Variants in TEX2 observed in about 807,000 individuals in gnomAD.
TEX2 encodes testis expressed 2, also known as testis-expressed protein 2.
In TEX2, 53 loss-of-function variants were observed where a neutral mutation model predicts 106.9. The ratio of observed to expected loss-of-function variants is 0.50; its 90% confidence interval spans 0.40 to 0.62. The LOEUF (loss-of-function observed/expected upper bound fraction) is 0.62. TEX2 is among the 20% of genes least tolerant of loss of function. The pLI, the probability that TEX2 is intolerant of heterozygous loss-of-function variation, is 0.00. For synonymous variants in TEX2, 523 were observed against 534.8 expected (o/e 0.98, Z 0.30); for missense variants, 1,207 against 1,379.0 (o/e 0.88, Z 1.98).
At chr17:64,222,315 T>C (rs1555633379) in intron 1 of TEX2, among the ~76,000 whole-genome samples, 2 of 151,844 alleles carry the variant, frequency 1.3e-5, no homozygotes, top group African/African-American at 4.8e-5. Context: ...GGTCAAGAGA[T>C]TGAGACCATC....
intron 1 of TEX2, among the ~76,000 whole-genome samples, chr17:64,225,569 T>A (rs372242397): frequency 7.2e-5 from 11 of 152,128 alleles, no homozygotes; most frequent in African/African-American, 2.7e-4. Flanking sequence ...TCTTGAGAAA[T>A]CTGAAAACCA....
intron 6 of TEX2, among the ~76,000 whole-genome samples, chr17:64,172,430 T>G (rs2031449237): frequency 6.6e-6 from 1 of 151,916 alleles, no homozygotes. Flanking sequence ...AGATCTACAC[T>G]CTATCCCCAG....
intron 7 of TEX2, among the ~76,000 whole-genome samples, chr17:64,170,090 A>T (rs1011722610): frequency 1.3e-5 from 2 of 152,152 alleles, no homozygotes; most frequent in Non-Finnish European, 2.9e-5. Context: ...TCCTTACATC[A>T]TCATCATCAT....
intron 5 of TEX2, among the ~76,000 whole-genome samples, chr17:64,179,738 G>T (rs529266663): frequency 1.3e-5 from 2 of 151,030 alleles, no homozygotes; most frequent in Admixed American, 6.6e-5. Flanking sequence ...GTTTTCAAAG[G>T]TCTCCTTTAT....
intron 1 of TEX2, among the ~76,000 whole-genome samples, chr17:64,222,316 T>G (rs1357172412): frequency 4.6e-5 from 7 of 151,952 alleles, no homozygotes; most frequent in Middle Eastern, 3.4e-3. Flanking sequence ...GTCAAGAGAT[T>G]GAGACCATCC....
chr17:64,151,664 T>C (rs2030361694), intron 10 of TEX2, among the ~76,000 whole-genome samples: 1 of 152,228 alleles, frequency 6.6e-6, no homozygotes, highest in African/African-American at 2.4e-5. Flanking sequence ...AAACACTCTA[T>C]ACTTATCTTT....
At chr17:64,203,529 A>G (rs2143973607) in intron 2 of TEX2, among the ~76,000 whole-genome samples, 1 of 152,314 alleles carries the variant, frequency 6.6e-6, no homozygotes, top group South Asian at 2.1e-4. Context: ...CAGCATCATC[A>G]GTATCAGAAA....
At chr17:64,173,101 C>A (rs1429800733) in intron 6 of TEX2, among the ~76,000 whole-genome samples, 1 of 152,198 alleles carries the variant, frequency 6.6e-6, no homozygotes, top group African/African-American at 2.4e-5. Context: ...ACTTGCCCTA[C>A]TAATCTGTTC....
intron 1 of TEX2, among the ~76,000 whole-genome samples, chr17:64,225,381 G>A (rs534780896): frequency 2.4e-4 from 36 of 152,290 alleles, no homozygotes; most frequent in African/African-American, 7.2e-4. Flanking sequence ...CAAGAGGGAC[G>A]TTAACTGCTA....
chr17:64,258,878 G>A (rs2034237081), intron 1 of TEX2, among the ~76,000 whole-genome samples: 1 of 151,698 alleles, frequency 6.6e-6, no homozygotes, highest in Non-Finnish European at 1.5e-5. Flanking sequence ...TCCTGATTCA[G>A]TCCCAAGTAG....
At chr17:64,159,750 A>G (rs1379292347) in intron 8 of TEX2, among the ~76,000 whole-genome samples, 1 of 152,252 alleles carries the variant, frequency 6.6e-6, no homozygotes, top group Non-Finnish European at 1.5e-5. Context: ...TAACAAATAG[A>G]AAAATGAAAG....
chr17:64,161,629 T>A (rs2030888473), intron 7 of TEX2, among the ~76,000 whole-genome samples: 1 of 152,138 alleles, frequency 6.6e-6, no homozygotes, highest in Non-Finnish European at 1.5e-5. Context: ...GCCAATGAGA[T>A]CATATCTAAA....
intron 5 of TEX2, among the ~76,000 whole-genome samples, chr17:64,187,357 C>A (rs573005352): frequency 6.6e-6 from 1 of 152,172 alleles, no homozygotes; most frequent in African/African-American, 2.4e-5. Flanking sequence ...TAGTGATCAT[C>A]CAGTTGCTCA....
chr17:64,251,049 CAG>C (rs1172383657), intron 1 of TEX2, among the ~76,000 whole-genome samples: 1 of 152,162 alleles, frequency 6.6e-6, no homozygotes, highest in Non-Finnish European at 1.5e-5. Flanking sequence ...TCAGGGCACA[CAG>C]AGTAAATTAC....
intron 1 of TEX2, among the ~76,000 whole-genome samples, chr17:64,238,374 T>C (rs935811284): frequency 6.6e-6 from 1 of 152,220 alleles, no homozygotes; most frequent in Non-Finnish European, 1.5e-5. Context: ...TTAAAATATA[T>C]CTTTCAAGAG....
chr17:64,183,539 G>T (rs1379753631), intron 5 of TEX2, among the ~76,000 whole-genome samples: 2 of 152,088 alleles, frequency 1.3e-5, no homozygotes, highest in Non-Finnish European at 2.9e-5. Flanking sequence ...TGATTCTCGT[G>T]CCTCAGCCTC....
Position 64,213,525 on chromosome 17 carries a change from A to T in TEX2, c.693T>A (p.Asp231Glu). 1 of 1,614,106 alleles carries T rather than the reference A, an allele frequency of 6.2e-7. No homozygotes were observed. The highest frequency in any genetic ancestry group is 1.7e-4 in the Middle Eastern group (1 of 6,058). The part of the protein sequence containing the change: ...LSTDTSRQES[D>E]TVSYKPPDSK... ...AATCAGGTGGCTTATAGGACACTGT[A>T]TCCGACTCCTGCCGGGAAGTGTCCG... The change falls in exon 2 of 12, where the codon GAT (aspartate) becomes GAA (glutamate). Residue 231 changes from aspartate (D) to glutamate (E), a missense_variant. Physicochemically the swap from Asp to Glu is conservative, Grantham distance 45 (BLOSUM62 2). Transcript: ENST00000584379. This position sits in a 1 kb window ranked among gnomAD's most constrained non-coding sequence, Gnocchi z 4.4.
At chr17:64,190,998 C>T (rs752302281) in intron 4 of TEX2, among the ~76,000 whole-genome samples, 90 of 152,202 alleles carry the variant, frequency 5.9e-4, no homozygotes, top group Non-Finnish European at 1.2e-3. Context: ...TCACGGCTGA[C>T]CACCTATGTA....
chr17:64,169,229 G>C (rs2031285535), intron 7 of TEX2, among the ~76,000 whole-genome samples: 1 of 152,024 alleles, frequency 6.6e-6, no homozygotes, highest in South Asian at 2.1e-4. Context: ...AGTAGAGACG[G>C]GGTTTCACCA....
Sources: gnomAD v4.1 joint callset for allele counts (sites outside exome capture counted in the v4.1 genomes callset) on GRCh38, gnomAD v4.1.1 for gene constraint, Gnocchi (gnomAD v3.1) non-coding constraint, MANE v1.5 for transcripts, NCBI Gene and HGNC (gene_info 2026-07-23, HGNC 2026-07-21) for gene names.